FBXO8: variants seen among roughly 807,000 people sequenced by gnomAD.
FBXO8 encodes the protein F-box only protein 8.
A neutral mutation model predicts 33.4 loss-of-function variants in FBXO8; 15 were observed. That is an observed-to-expected ratio of 0.45 (90% CI 0.30 to 0.69). FBXO8 has a LOEUF of 0.69. Ranked by LOEUF, FBXO8 falls within the 30% of genes least tolerant of loss-of-function variation. The pLI is 0.08. For synonymous variants in FBXO8, 132 were observed against 131.5 expected, an observed-to-expected ratio of 1.00 and a Z score of -0.02; for missense variants, 274 against 380.3, an observed-to-expected ratio of 0.72 and a Z score of 2.32.
At chr4:174,248,356 A>C (rs1388753645) in intron 3 of FBXO8, among the ~76,000 whole-genome samples, 1 of 152,064 alleles carries the variant, frequency 6.6e-6, no homozygotes, top group Non-Finnish European at 1.5e-5. Context: ...TCCTAGATAA[A>C]AAGATTATAA....
rs1043738995 is a variant in FBXO8 at position 174,245,286 on chromosome 4, A to G, written c.457-4068T>C. On this transcript the variant is annotated intron_variant, in intron 3 of 5. Coordinates refer to ENST00000393674, the MANE Select transcript of FBXO8 (RefSeq NM_012180.3). The surrounding 1 kb of genome is among the most constrained non-coding windows in gnomAD (Gnocchi z 4.6). ...TGAAAAGTAAGTGTTTCAGAGTTCA[A>G]TGAAAGGAAAAGTCACTATGGGATA... Among the ~76,000 whole-genome samples, 1 of 151,830 alleles carries G rather than the reference A, an allele frequency of 6.6e-6. No individual in the cohort carries two copies. The highest frequency in any genetic ancestry group is 2.4e-5 in the African/African-American group (1 of 41,396).
rs1579020986 is a variant in FBXO8, at chr4:174,247,615, C to G, written c.457-6397G>C. ...TTATTTTTCAAGTATACATTTTAAC[C>G]ACAGTGAAACTAACTGAATATATTA... On this transcript the variant is annotated intron_variant, in intron 3 of 5. Transcript: ENST00000393674. This position sits in a 1 kb window ranked among gnomAD's most constrained non-coding sequence, Gnocchi z 4.6. 6.6e-6 allele frequency among the ~76,000 whole-genome samples: 1 copy of G among 151,972 alleles called. No homozygotes were observed. The highest frequency in any genetic ancestry group is 2.4e-5 in the African/African-American group (1 of 41,466).
rs1237378992 is a variant in FBXO8, at chr4:174,251,853, G to A, written c.456+7846C>T. Among the ~76,000 whole-genome samples the A allele has an allele frequency of 2.0e-5, 3 of 152,082 alleles. No individual in the cohort carries two copies. The highest frequency in any genetic ancestry group is 2.0e-4 in the Admixed American group (3 of 15,254). On this transcript the variant is annotated intron_variant, in intron 3 of 5. Coordinates refer to ENST00000393674, the MANE Select transcript of FBXO8 (RefSeq NM_012180.3). This position sits in a 1 kb window ranked among gnomAD's most constrained non-coding sequence, Gnocchi z 4.2. ...TATGGGTAAACAGTTCTTACAGAGGGGGGAGCTACTTAAGCCATATTTGGT... is the reference window on the plus strand; with the variant it reads ...TATGGGTAAACAGTTCTTACAGAGGAGGGAGCTACTTAAGCCATATTTGGT...
chr4:174,237,742 G>A lies in FBXO8; in HGVS notation c.773-143C>T. ...CAGAGTGACCAATCCATCCCAGTTT[G>A]TCTAGACTCTTCCCAGTTTTGCACT... On this transcript the variant is annotated intron_variant, in intron 5 of 5. Coordinates refer to ENST00000393674, the MANE Select transcript of FBXO8 (RefSeq NM_012180.3). The surrounding 1 kb of genome is among the most constrained non-coding windows in gnomAD (Gnocchi z 4.4). 1.4e-6 allele frequency: 1 copy of A among 695,938 alleles called. No homozygotes were observed. Among genetic ancestry groups the A allele is most frequent in the Admixed American group, 3.0e-5 (1 of 33,220 alleles). 43.1% of individuals were successfully genotyped at this position (695,938 alleles called of 1,614,324 possible). A position where few individuals can be genotyped will look rare whatever the true frequency, so the allele number is the denominator to read the frequency against.
At chr4:174,248,492 G>C (rs1013750417) in intron 3 of FBXO8, among the ~76,000 whole-genome samples, 2 of 151,982 alleles carry the variant, frequency 1.3e-5, no homozygotes, top group Non-Finnish European at 2.9e-5. Flanking sequence ...AGATAGTTTT[G>C]ATGTCAGTTT....
In FBXO8 at chr4:174,267,355, G is replaced by T. The variant is rs1736717454; in HGVS notation, c.-8-4255C>A. Reference sequence around the variant, plus strand: ...GCTTGAGACCAAGAGTTCAAGACCAGACTGGGCAACATAGACCCCGTTTCA... The same window carrying T: ...GCTTGAGACCAAGAGTTCAAGACCATACTGGGCAACATAGACCCCGTTTCA... On this transcript the variant is annotated intron_variant, in intron 1 of 5. Coordinates refer to ENST00000393674, the MANE Select transcript of FBXO8 (RefSeq NM_012180.3). The surrounding 1 kb of genome is among the most constrained non-coding windows in gnomAD (Gnocchi z 4.7). 6.6e-6 allele frequency among the ~76,000 whole-genome samples: 1 copy of T among 152,076 alleles called. No homozygotes were observed. The highest frequency in any genetic ancestry group is 2.1e-4 in the South Asian group (1 of 4,826).
chr4:174,272,776 A>T lies in FBXO8; in HGVS notation c.-8-9676T>A, dbSNP rs1404993201. ...CAAAGTATCTTCCCACATATCAGTC[A>T]TTAATTACAAGAAAAAATTAAGAAA... On this transcript the variant is annotated intron_variant, in intron 1 of 5. Coordinates refer to ENST00000393674, the MANE Select transcript of FBXO8 (RefSeq NM_012180.3). This position sits in a 1 kb window ranked among gnomAD's most constrained non-coding sequence, Gnocchi z 4.7. Among the ~76,000 whole-genome samples, 1 of 152,196 alleles carries T rather than the reference A, an allele frequency of 6.6e-6. No individual in the cohort carries two copies. The highest frequency in any genetic ancestry group is 2.4e-5 in the African/African-American group (1 of 41,446).
chr4:174,271,594 C>T (rs1000210084), intron 1 of FBXO8, among the ~76,000 whole-genome samples: 1 of 152,032 alleles, frequency 6.6e-6, no homozygotes, highest in Non-Finnish European at 1.5e-5. Flanking sequence ...AATGAAGAAG[C>T]ATTTTTGCTA....
At chr4:174,238,154 T>TTA (rs1173849957) in intron 5 of FBXO8, among the ~76,000 whole-genome samples, 1 of 152,080 alleles carries the variant, frequency 6.6e-6, no homozygotes, top group East Asian at 1.9e-4. Flanking sequence ...ATTTAAGATG[T>TTA]TATAAAGGCC....
At position 174,257,726 on chromosome 4, in the gene FBXO8, G is replaced by A. The variant is rs968956321; in HGVS notation, c.456+1973C>T. ...CACTCTCACAGCTTATTGCACTCTT[G>A]ACCTCTGGGGCTACATATCTTTATT... On this transcript the variant is annotated intron_variant, in intron 3 of 5. Coordinates refer to ENST00000393674, the MANE Select transcript of FBXO8 (RefSeq NM_012180.3). This position sits in a 1 kb window ranked among gnomAD's most constrained non-coding sequence, Gnocchi z 4.3. 2.6e-5 allele frequency among the ~76,000 whole-genome samples: 4 copies of A among 151,940 alleles called. No individual in the cohort carries two copies. Among genetic ancestry groups the A allele is most frequent in the African/African-American group, 9.7e-5 (4 of 41,350 alleles).
chr4:174,242,720 C>T (rs1195088966), intron 3 of FBXO8, among the ~76,000 whole-genome samples: 1 of 151,392 alleles, frequency 6.6e-6, no homozygotes, highest in Non-Finnish European at 1.5e-5. Flanking sequence ...ATCAACTGTC[C>T]GAGGGGGCAG....
intron 1 of FBXO8, among the ~76,000 whole-genome samples, chr4:174,279,514 A>G (rs929871639): frequency 6.6e-6 from 1 of 152,126 alleles, no homozygotes; most frequent in Admixed American, 6.5e-5. Context: ...TCTAAAATCC[A>G]CATGGAATCT....
rs1736375039 is a variant in FBXO8 at position 174,254,482 on chromosome 4, T to C, written c.456+5217A>G. The stretch of plus-strand genomic sequence containing the variant: ...AATACTTCTGTGTTGCAGGAGGTAC[T>C]AAGATTTAAAAGAGTTAGTACAGAG... On this transcript the variant is annotated intron_variant, in intron 3 of 5. Transcript: ENST00000393674. The surrounding 1 kb of genome is among the most constrained non-coding windows in gnomAD (Gnocchi z 4.2). Among the ~76,000 whole-genome samples the C allele has an allele frequency of 1.3e-5, 2 of 152,206 alleles. No homozygotes were observed. Among genetic ancestry groups the C allele is most frequent in the Admixed American group, 6.5e-5 (1 of 15,276 alleles).
At chr4:174,239,828 A>G (rs967628574) in intron 4 of FBXO8, among the ~76,000 whole-genome samples, 51 of 149,044 alleles carry the variant, frequency 3.4e-4, no homozygotes, top group African/African-American at 9.9e-4. Flanking sequence ...GTGTATATCT[A>G]ATTTTTTAAA....
chr4:174,248,781 A>G (rs151034259), intron 3 of FBXO8, among the ~76,000 whole-genome samples: 500 of 152,198 alleles, frequency 3.3e-3, no homozygotes, highest in African/African-American at 0.012. Context: ...TTTATGGAAG[A>G]CTTTTCAACA....
chr4:174,263,069 C>T lies in FBXO8; in HGVS notation c.24G>A (p.Val8=), dbSNP rs1488220398. Residue 8 remains valine, a synonymous_variant, in exon 2 of 6, where the codon GTG becomes GTA. Coordinates refer to ENST00000393674, the MANE Select transcript of FBXO8 (RefSeq NM_012180.3). The surrounding 1 kb of genome is among the most constrained non-coding windows in gnomAD (Gnocchi z 4.2). ...CTTGTTGCAGCTGCTGGTTTCTGAC[C>T]ACTCTCCACAACCCTTGACCCATCT... MGQGLWR[V]VRNQQLQQEG... 6.2e-7 allele frequency: 1 copy of T among 1,613,670 alleles called. No homozygotes were observed. The highest frequency in any genetic ancestry group is 8.5e-7 in the Non-Finnish European group (1 of 1,179,908).
intron 1 of FBXO8, among the ~76,000 whole-genome samples, chr4:174,266,517 T>C (rs1221384161): frequency 1.3e-5 from 2 of 152,142 alleles, no homozygotes; most frequent in East Asian, 3.8e-4. Flanking sequence ...TCTGCCCCCA[T>C]TCCCTATCTT....
Position 174,270,449 on chromosome 4 carries a change from T to C in FBXO8, c.-8-7349A>G, listed in dbSNP as rs1247952181. ...GAGCAAACAGCCACTATCACCCCTA[T>C]ATGATCTGTTGTCCTCCCACCTGCT... is the stretch of plus-strand genomic sequence containing the variant. On this transcript the variant is annotated intron_variant, in intron 1 of 5. Transcript: ENST00000393674. The surrounding 1 kb of genome is among the most constrained non-coding windows in gnomAD (Gnocchi z 4.6). 2.0e-5 allele frequency among the ~76,000 whole-genome samples: 3 copies of C among 152,146 alleles called. No individual in the cohort carries two copies. The highest frequency in any genetic ancestry group is 2.9e-5 in the Non-Finnish European group (2 of 68,012).
At chr4:174,271,655 A>G (rs1050407148) in intron 1 of FBXO8, among the ~76,000 whole-genome samples, 1 of 152,046 alleles carries the variant, frequency 6.6e-6, no homozygotes, top group African/African-American at 2.4e-5. Flanking sequence ...CCCTCCTTAT[A>G]TTTACAATTG....
Sources: allele counts gnomAD v4.1 joint callset (sites outside exome capture counted in the v4.1 genomes callset), GRCh38; gene constraint gnomAD v4.1.1; non-coding constraint Gnocchi (gnomAD v3.1); transcripts MANE v1.5; gene names NCBI Gene and HGNC (gene_info 2026-07-23, HGNC 2026-07-21).